ITGA11: variants seen among roughly 807,000 people sequenced by gnomAD.
ITGA11 encodes integrin subunit alpha 11, also known as integrin alpha-11.
In ITGA11, 97 loss-of-function variants were observed where a neutral mutation model predicts 141.9. The ratio of observed to expected loss-of-function variants is 0.68; its 90% CI spans 0.58 to 0.81. The LOEUF is 0.81. Among genes scored for constraint, ITGA11 ranks in the 30% least tolerant of loss-of-function variants. ITGA11 has a pLI of 0.00. For missense variants in ITGA11, 1,387 were observed against 1,559.2 expected (o/e 0.89, Z 1.86); for synonymous variants, 658 against 624.6 (o/e 1.05, Z -0.80).
Position 68,307,539 on chromosome 15 carries a change from C to G in ITGA11, c.3285+47G>C. The G allele has an allele frequency of 6.5e-7, 1 of 1,533,394 alleles. No individual in the cohort carries two copies. Among genetic ancestry groups the G allele is most frequent in the African/African-American group, 1.4e-5 (1 of 73,358 alleles). The allele number at this position is 1,533,394 out of a possible 1,614,324, so 95.0% of individuals were successfully genotyped here. ...CAGGTGGAAGACATCCCAACAGCCGCCCCCTTTCCCTTCTTCCTTCCAGCC... is the reference window on the plus strand; with the variant it reads ...CAGGTGGAAGACATCCCAACAGCCGGCCCCTTTCCCTTCTTCCTTCCAGCC... On this transcript the variant is annotated intron_variant, in intron 27 of 29. Transcript: ENST00000315757. This position sits in a 1 kb window ranked among gnomAD's most constrained non-coding sequence, Gnocchi z 6.1.
chr15:68,426,071 A>T (rs996695571), intron 1 of ITGA11, among the ~76,000 whole-genome samples: 5 of 152,124 alleles, frequency 3.3e-5, no homozygotes, highest in African/African-American at 1.2e-4. Flanking sequence ...CTGACCAGTG[A>T]TGGGGCAGGG....
rs980006448 is a variant in ITGA11, at chr15:68,431,370, T to C, written c.52+645A>G. On this transcript the variant is annotated intron_variant, in intron 1 of 29. Transcript: ENST00000315757. ...CAATGCCGGGTCCCTACCCCGGGTGTCAGGTAACGTTTCGGGGGTCCTGCG... is the reference window on the plus strand; with the variant it reads ...CAATGCCGGGTCCCTACCCCGGGTGCCAGGTAACGTTTCGGGGGTCCTGCG... 3.9e-5 allele frequency among the ~76,000 whole-genome samples: 6 copies of C among 152,176 alleles called. No individual in the cohort carries two copies. The East Asian group carries it at 1.2e-3, about 30-fold the overall frequency.
chr15:68,425,626 G>A (rs891781901), intron 1 of ITGA11, among the ~76,000 whole-genome samples: 15 of 152,310 alleles, frequency 9.8e-5, no homozygotes, highest in Admixed American at 8.5e-4. Context: ...CAGGAACTCT[G>A]GCCTCACCTG....
chr15:68,335,849 C>T lies in ITGA11; in HGVS notation c.1277-4G>A, dbSNP rs751569806. On this transcript the variant is annotated splice_polypyrimidine_tract_variant and splice_region_variant and intron_variant, in intron 11 of 29. Coordinates refer to ENST00000315757, the MANE Select transcript of ITGA11 (RefSeq NM_001004439.2). The surrounding 1 kb of genome is among the most constrained non-coding windows in gnomAD (Gnocchi z 4.9). ...ACGACCGATGTGACTGTGTACCCTG[C>T]CACAGGAGGAAACAGGCTGATCTTT... is the stretch of plus-strand genomic sequence containing the variant. 2.3e-5 allele frequency: 37 copies of T among 1,611,958 alleles called. No individual in the cohort carries two copies. Among genetic ancestry groups the T allele is most frequent in the Non-Finnish European group, 3.0e-5 (35 of 1,179,122 alleles).
At chr15:68,397,006 TATATTACTTATTATATAATATATAA>T (rs1277709687) in intron 2 of ITGA11, among the ~76,000 whole-genome samples, 1 of 9,772 alleles carries the variant, frequency 1.0e-4, no homozygotes, top group African/African-American at 7.3e-4. Context: ...ATATATAATA[TATATTACTTATTATATAATATATAA>T]ATTATTTATT....
intron 2 of ITGA11, among the ~76,000 whole-genome samples, chr15:68,384,557 G>A: frequency 6.6e-6 from 1 of 152,168 alleles, no homozygotes; most frequent in East Asian, 1.9e-4. Flanking sequence ...GTGTGTGCCT[G>A]CCAAGGTCTG....
At chr15:68,408,146 C>T (rs1364444832) in intron 1 of ITGA11, among the ~76,000 whole-genome samples, 1 of 152,204 alleles carries the variant, frequency 6.6e-6, no homozygotes, top group Non-Finnish European at 1.5e-5. Context: ...GCTTCCTCTG[C>T]CTCAGGGCCT....
intron 14 of ITGA11, 71 bp from the exon 15 acceptor site, chr15:68,331,182 A>T: frequency 7.5e-7 from 1 of 1,334,852 alleles, no homozygotes; most frequent in South Asian, 1.3e-5. Flanking sequence ...CCCGAGCAGC[A>T]GGAACAATCA....
chr15:68,314,041 A>C (rs1387252887), intron 22 of ITGA11, among the ~76,000 whole-genome samples, 173 bp from the exon 23 acceptor site: 2 of 152,214 alleles, frequency 1.3e-5, no homozygotes, highest in Admixed American at 1.3e-4. Flanking sequence ...GGCCAGAAGC[A>C]GGGATGGATG....
intron 10 of ITGA11, among the ~76,000 whole-genome samples, chr15:68,343,049 A>C (rs1894624943): frequency 7.0e-6 from 1 of 143,840 alleles, no homozygotes. Flanking sequence ...CTGAACCTTG[A>C]GTTCCTCAGC....
rs1328786042 is a variant in ITGA11, at chr15:68,353,339, C to T, written c.750-1937G>A. Among the ~76,000 whole-genome samples, 3 of 152,134 alleles carry T rather than the reference C, an allele frequency of 2.0e-5. No individual in the cohort carries two copies. The East Asian group carries it at 5.8e-4, about 29-fold the overall frequency. On this transcript the variant is annotated intron_variant, in intron 7 of 29. Transcript: ENST00000315757. ...AGTATGTGCTGTGGACTGAAACCTG[C>T]AGAGGCACGTGCCACATGACGAGAG...
At chr15:68,353,915 C>T (rs942925832) in intron 7 of ITGA11, among the ~76,000 whole-genome samples, 3 of 152,122 alleles carry the variant, frequency 2.0e-5, no homozygotes, top group Non-Finnish European at 4.4e-5. Context: ...TCACCCCCAC[C>T]CACACTGGAC....
At chr15:68,395,507 A>G (rs150368035) in intron 2 of ITGA11, among the ~76,000 whole-genome samples, 1,672 of 151,144 alleles carry the variant, frequency 0.011, 20 homozygotes, top group African/African-American at 0.038. Flanking sequence ...GCTGAAAACC[A>G]TGGCACAAGA....
Position 68,380,533 on chromosome 15 carries a change from G to A in ITGA11, c.165-11249C>T, listed in dbSNP as rs140532182. On this transcript the variant is annotated intron_variant, in intron 2 of 29. Transcript: ENST00000315757. ...ATGAATTTAGTGTGGAGAACATGCC[G>A]CAAGAGGGGTCTCCAGGTGTGGCAG... 5.3e-3 allele frequency among the ~76,000 whole-genome samples: 807 copies of A among 152,294 alleles called. 9 individuals are homozygous for A. The highest frequency in any genetic ancestry group is 0.019 in the African/African-American group (779 of 41,554).
At chr15:68,384,609 C>T (rs1258984364) in intron 2 of ITGA11, among the ~76,000 whole-genome samples, 6 of 152,322 alleles carry the variant, frequency 3.9e-5, no homozygotes, top group East Asian at 1.9e-4. Context: ...CGTTTCCCCA[C>T]GAATACAGTT....
chr15:68,382,623 AC>A (rs1370871608), intron 2 of ITGA11, among the ~76,000 whole-genome samples: 2 of 152,146 alleles, frequency 1.3e-5, no homozygotes, highest in African/African-American at 4.8e-5. Flanking sequence ...GGCAAGCCCT[AC>A]CCTTGGGGGT....
chr15:68,341,405 T>G (rs4777042), intron 10 of ITGA11, among the ~76,000 whole-genome samples: 1 of 152,086 alleles, frequency 6.6e-6, no homozygotes, highest in African/African-American at 2.4e-5. Flanking sequence ...CCAGAGGCCC[T>G]GTGAAATCAG....
rs747222722 is a variant in ITGA11 at position 68,307,625 on chromosome 15, G to A, written c.3246C>T (p.Phe1082=). 7 of 1,613,670 alleles carry A rather than the reference G, an allele frequency of 4.3e-6. No homozygotes were observed. In the East Asian group the frequency reaches 1.6e-4, roughly 36 times the overall value. Residue 1082 remains phenylalanine, a synonymous_variant, in exon 27 of 30, where the codon TTC becomes TTT. Transcript: ENST00000315757. This position sits in a 1 kb window ranked among gnomAD's most constrained non-coding sequence, Gnocchi z 6.1. ...IRLVPNQEIN[F]HLLGNLWLRS... ...TCAACCACAGGTTCCCCAGTAGATG[G>A]AAATTGATTTCCTGGTTGGGGACCA...
chr15:68,394,120 CAT>C (rs1358195854), intron 2 of ITGA11, among the ~76,000 whole-genome samples: 1 of 152,280 alleles, frequency 6.6e-6, no homozygotes, highest in Non-Finnish European at 1.5e-5. Flanking sequence ...AGAGGAAACA[CAT>C]AAATTCTTGG....
Sources: allele counts gnomAD v4.1 joint callset (sites outside exome capture counted in the v4.1 genomes callset), GRCh38; gene constraint gnomAD v4.1.1; non-coding constraint Gnocchi (gnomAD v3.1); transcripts MANE v1.5; gene names NCBI Gene and HGNC (gene_info 2026-07-23, HGNC 2026-07-21).